Variants in TM2D1 observed in about 807,000 individuals in gnomAD.
TM2D1 encodes the protein TM2 domain containing 1.
A neutral mutation model predicts 28.4 loss-of-function variants in TM2D1; 15 were observed. The ratio of observed to expected loss-of-function variants is 0.53; its 90% CI spans 0.35 to 0.81. The LOEUF (loss-of-function observed/expected upper bound fraction) is 0.81, where lower values mean the gene tolerates loss of function less well. TM2D1 is among the 40% of genes least tolerant of loss of function. The pLI, the probability that TM2D1 is intolerant of heterozygous loss-of-function variation, is 0.01. For synonymous variants in TM2D1, 93 were observed against 96.2 expected (o/e 0.97, Z 0.20); for missense variants, 236 against 254.9 (o/e 0.93, Z 0.50).
chr1:61,720,267 A>C (rs1314886270), intron 2 of TM2D1, among the ~76,000 whole-genome samples: 3 of 151,498 alleles, frequency 2.0e-5, no homozygotes, highest in African/African-American at 7.3e-5. Flanking sequence ...TTTTAGACAG[A>C]GTCTGGCTCT....
intron 3 of TM2D1, among the ~76,000 whole-genome samples, chr1:61,701,556 CGTGTGTGTGT>C (rs60257971): frequency 1.4e-4 from 20 of 145,842 alleles, no homozygotes; most frequent in South Asian, 1.3e-3. Flanking sequence ...AATTCTCTTT[CGTGTGTGTGT>C]GTGTGTGTGT....
chr1:61,717,099 A>G (rs1376271525), intron 2 of TM2D1, among the ~76,000 whole-genome samples: 2 of 152,198 alleles, frequency 1.3e-5, no homozygotes, highest in Non-Finnish European at 2.9e-5. Context: ...CTGGAATCCC[A>G]GCACTTTGGG....
intron 5 of TM2D1, 47 bp downstream of exon 5, chr1:61,694,650 C>G (rs1399846689): frequency 7.6e-7 from 1 of 1,311,530 alleles, no homozygotes; most frequent in South Asian, 1.3e-5. Context: ...TCACAGAACT[C>G]AATTTTGAAT....
At chr1:61,717,202 CAA>C (rs58545051) in intron 2 of TM2D1, among the ~76,000 whole-genome samples, 9 of 143,788 alleles carry the variant, frequency 6.3e-5, no homozygotes, top group Non-Finnish European at 6.1e-5. Flanking sequence ...CAAAACAAAA[CAA>C]AAAAAAAAAA....
chr1:61,701,796 G>T (rs909291034), intron 3 of TM2D1, among the ~76,000 whole-genome samples: 11 of 152,018 alleles, frequency 7.2e-5, no homozygotes, highest in African/African-American at 2.4e-4. Context: ...GAAATCTAAT[G>T]GGCAGTAACA....
At chr1:61,703,224 C>A (rs1368939984) in intron 3 of TM2D1, among the ~76,000 whole-genome samples, 1 of 148,558 alleles carries the variant, frequency 6.7e-6, no homozygotes, top group African/African-American at 2.5e-5. Context: ...ATGAATATTA[C>A]CATATTTATA....
Sources: gnomAD v4.1 joint callset for allele counts (sites outside exome capture counted in the v4.1 genomes callset) on GRCh38, gnomAD v4.1.1 for gene constraint, MANE v1.5 for transcripts, NCBI Gene and HGNC (gene_info 2026-07-23, HGNC 2026-07-21) for gene names.